WWOX: variants seen among roughly 807,000 people sequenced by gnomAD.
WWOX encodes the protein WW domain-containing oxidoreductase.
In WWOX, 69 loss-of-function variants were observed where a neutral mutation model predicts 46.2. That is an observed-to-expected ratio of 1.49 (90% CI 1.23 to 1.82). WWOX has a LOEUF of 1.82. Among genes scored for constraint, WWOX ranks in the 40% most tolerant of loss-of-function variants. WWOX has a pLI of 0.00. For missense variants in WWOX, 919 were observed against 542.6 expected (o/e 1.69, Z -6.89); for synonymous variants, 359 against 202.6 (o/e 1.77, Z -6.56).
chr16:78,488,670 G>A (rs2084700880), intron 8 of WWOX, among the ~76,000 whole-genome samples: 1 of 152,278 alleles, frequency 6.6e-6, no homozygotes, highest in East Asian at 1.9e-4. Flanking sequence ...AGTGGCTGTA[G>A]GGGAGGGGAG....
At chr16:78,893,539 A>C (rs1003983601) in intron 8 of WWOX, among the ~76,000 whole-genome samples, 1 of 151,920 alleles carries the variant, frequency 6.6e-6, no homozygotes, top group Non-Finnish European at 1.5e-5. Context: ...TCCTCCACCC[A>C]CTCCTCTCTC....
rs887976216 is a variant in WWOX at position 78,550,614 on chromosome 16, G to C, written c.1056+117862G>C. Reference sequence around the variant, plus strand: ...GCTCCTCTTTTGAATTTTCATTTTTGTCTGACATAACTCAAAGTGCTTGCT... The same window carrying C: ...GCTCCTCTTTTGAATTTTCATTTTTCTCTGACATAACTCAAAGTGCTTGCT... On this transcript the variant is annotated intron_variant, in intron 8 of 8. Transcript: ENST00000566780. 4.3e-4 allele frequency: 65 copies of C among 152,038 alleles called. 1 individual carries two copies. Among genetic ancestry groups the C allele is most frequent in the African/African-American group, 1.5e-3 (61 of 41,372 alleles). The allele number at this position is 152,038 out of a possible 1,614,324, so 9.4% of individuals were successfully genotyped here. A position where few individuals can be genotyped will look rare whatever the true frequency, so the allele number is the denominator to read the frequency against.
At chr16:78,560,390 C>T (rs557279934) in intron 8 of WWOX, among the ~76,000 whole-genome samples, 12 of 152,286 alleles carry the variant, frequency 7.9e-5, no homozygotes, top group Admixed American at 3.3e-4. Context: ...CGCCTGTAAT[C>T]CCAGCACTTT....
intron 8 of WWOX, among the ~76,000 whole-genome samples, chr16:79,103,787 G>C (rs1018139700): frequency 9.9e-5 from 15 of 152,042 alleles, no homozygotes; most frequent in African/African-American, 3.6e-4. Flanking sequence ...GGATGGTAAG[G>C]AGAGCTGCAA....
intron 5 of WWOX, among the ~76,000 whole-genome samples, chr16:78,290,822 G>T (rs1235592563): frequency 6.6e-6 from 1 of 151,956 alleles, no homozygotes; most frequent in African/African-American, 2.4e-5. Flanking sequence ...GTATACAAAT[G>T]GTATGACTAG....
intron 4 of WWOX, among the ~76,000 whole-genome samples, chr16:78,122,730 G>A (rs1197342379): frequency 4.0e-5 from 6 of 151,584 alleles, no homozygotes; most frequent in Non-Finnish European, 7.4e-5. Context: ...TCAGCCTCCT[G>A]AATAGCTGGG....
chr16:78,348,517 A>G (rs1225933439), intron 5 of WWOX, among the ~76,000 whole-genome samples: 2 of 121,086 alleles, frequency 1.7e-5, no homozygotes, highest in East Asian at 3.9e-4. Context: ...GATTGAGTGC[A>G]GTGAATCTTG....
intron 5 of WWOX, among the ~76,000 whole-genome samples, chr16:78,383,850 C>G (rs2082005572): frequency 2.0e-5 from 3 of 152,166 alleles, no homozygotes; most frequent in Non-Finnish European, 4.4e-5. Context: ...AGCCTAGTAA[C>G]CCACAGCTTG....
At chr16:78,869,690 C>T (rs375781834) in intron 8 of WWOX, among the ~76,000 whole-genome samples, 18 of 152,236 alleles carry the variant, frequency 1.2e-4, no homozygotes, top group African/African-American at 4.1e-4. Context: ...TACAGTGCAT[C>T]GCCCACTCTG....
At chr16:78,405,947 A>ATG (rs1421661712) in intron 6 of WWOX, among the ~76,000 whole-genome samples, 1 of 152,118 alleles carries the variant, frequency 6.6e-6, no homozygotes, top group Non-Finnish European at 1.5e-5. Flanking sequence ...CTAAAATTGC[A>ATG]CTAAACAAAA....
chr16:79,184,958 G>A (rs573126522), intron 8 of WWOX, among the ~76,000 whole-genome samples: 62 of 152,304 alleles, frequency 4.1e-4, no homozygotes, highest in African/African-American at 1.5e-3. Context: ...AGAGGGATGA[G>A]GTTGAGTCTG....
intron 8 of WWOX, among the ~76,000 whole-genome samples, chr16:79,167,331 T>G (rs1353846404): frequency 2.0e-5 from 3 of 152,192 alleles, no homozygotes; most frequent in Admixed American, 6.5e-5. Context: ...TAATAACTTC[T>G]GAGTGGTGAG....
intron 5 of WWOX, among the ~76,000 whole-genome samples, chr16:78,331,860 C>G (rs1200068543): frequency 6.6e-6 from 1 of 152,142 alleles, no homozygotes; most frequent in Admixed American, 6.5e-5. Context: ...GATGTCTGTT[C>G]AAATTATTCC....
intron 8 of WWOX, among the ~76,000 whole-genome samples, chr16:78,485,677 A>T (rs563561438): frequency 1.3e-5 from 2 of 152,326 alleles, no homozygotes; most frequent in East Asian, 3.9e-4. Flanking sequence ...CAAGTGAGCA[A>T]TTGTGCTTCT....
At chr16:78,643,275 G>A (rs914347965) in intron 8 of WWOX, among the ~76,000 whole-genome samples, 4 of 152,184 alleles carry the variant, frequency 2.6e-5, no homozygotes, top group Non-Finnish European at 2.9e-5. Context: ...TTTTTACCAT[G>A]TGCCAAGCAT....
intron 8 of WWOX, among the ~76,000 whole-genome samples, chr16:78,901,579 C>T (rs1022691534): frequency 1.3e-5 from 2 of 152,176 alleles, no homozygotes; most frequent in African/African-American, 4.8e-5. Flanking sequence ...CCTGTGCTTC[C>T]CAGACTCAAG....
chr16:78,450,198 T>A (rs180937184), intron 8 of WWOX, among the ~76,000 whole-genome samples: 1 of 152,304 alleles, frequency 6.6e-6, no homozygotes, highest in Admixed American at 6.5e-5. Context: ...CAAGCTCTTT[T>A]TATGCTTCTT....
chr16:79,064,456 G>C (rs2048407542), intron 8 of WWOX, among the ~76,000 whole-genome samples: 1 of 152,206 alleles, frequency 6.6e-6, no homozygotes, highest in Non-Finnish European at 1.5e-5. Flanking sequence ...AGCACCTGCA[G>C]AACCCATGCG....
At chr16:78,278,324 G>T (rs997655034) in intron 5 of WWOX, among the ~76,000 whole-genome samples, 2 of 152,138 alleles carry the variant, frequency 1.3e-5, no homozygotes, top group Non-Finnish European at 2.9e-5. Flanking sequence ...TGTTGTAGCA[G>T]TGTTCAAGGT....
Sources: allele counts gnomAD v4.1 joint callset (sites outside exome capture counted in the v4.1 genomes callset), GRCh38; gene constraint gnomAD v4.1.1; transcripts MANE v1.5; gene names NCBI Gene and HGNC (gene_info 2026-07-23, HGNC 2026-07-21).